The following SEZ6L variants were observed in gnomAD, a reference collection of about 807,000 sequenced individuals.
The protein encoded by SEZ6L is seizure 6-like protein.
SEZ6L carries 37 observed loss-of-function variants against 106.2 expected under a neutral mutation model. The ratio of observed to expected loss-of-function variants is 0.35; its 90% CI spans 0.27 to 0.46. The LOEUF is 0.46. SEZ6L is among the 20% of genes least tolerant of loss of function. The pLI is 1.00. For missense variants in SEZ6L, 1,172 were observed against 1,332.8 expected, an observed-to-expected ratio of 0.88 and a Z score of 1.88; for synonymous variants, 541 against 570.4, an observed-to-expected ratio of 0.95 and a Z score of 0.73.
chr22:26,297,630 G>A (rs1030290302), intron 4 of SEZ6L, among the ~76,000 whole-genome samples: 3 of 151,828 alleles, frequency 2.0e-5, no homozygotes, highest in African/African-American at 7.3e-5. Flanking sequence ...GCCTTAACAG[G>A]GTACTTCTCT....
In SEZ6L at chr22:26,373,576, TA is replaced by T. The variant is rs145221453; in HGVS notation, c.2827+99del. The T allele has an allele frequency of 9.0e-5, 85 of 941,984 alleles. 1 individual carries two copies. The highest frequency in any genetic ancestry group is 8.1e-4 in the African/African-American group (48 of 59,562). 58.4% of individuals were successfully genotyped at this position (941,984 alleles called of 1,614,324 possible). A position where few individuals can be genotyped will look rare whatever the true frequency, so the allele number is the denominator to read the frequency against. Reference sequence around the variant, plus strand: ...CTTTGAATATCTTTATTTAGACACTTAAAAAATAAATAAATTCTACCTTCAG... The same window carrying T: ...CTTTGAATATCTTTATTTAGACACTTAAAAATAAATAAATTCTACCTTCAG... On this transcript the variant is annotated intron_variant, in intron 14 of 16. Coordinates refer to ENST00000248933, the MANE Select transcript of SEZ6L (RefSeq NM_021115.5).
At chr22:26,284,972 C>T (rs1346316855) in intron 1 of SEZ6L, among the ~76,000 whole-genome samples, 2 of 151,744 alleles carry the variant, frequency 1.3e-5, no homozygotes, top group Non-Finnish European at 2.9e-5. Context: ...GTTTGGAGAT[C>T]GGAATGAGAT....
At chr22:26,245,115 G>T (rs5752291) in intron 1 of SEZ6L, among the ~76,000 whole-genome samples, 7 of 152,024 alleles carry the variant, frequency 4.6e-5, no homozygotes, top group South Asian at 4.2e-4. Context: ...CTGGTTTCCC[G>T]TGCCCCTTTG....
intron 12 of SEZ6L, among the ~76,000 whole-genome samples, chr22:26,354,566 A>G (rs2083379342): frequency 6.6e-6 from 1 of 152,184 alleles, no homozygotes; most frequent in African/African-American, 2.4e-5. Context: ...AGTGACTGCA[A>G]GAGCGATCAG....
intron 1 of SEZ6L, among the ~76,000 whole-genome samples, chr22:26,274,864 A>G (rs781697421): frequency 5.9e-5 from 9 of 152,360 alleles, no homozygotes; most frequent in Middle Eastern, 6.8e-3. Flanking sequence ...GGGGTTGGTC[A>G]CACAGGCATG....
intron 10 of SEZ6L, among the ~76,000 whole-genome samples, chr22:26,344,333 A>G (rs1448830698): frequency 2.0e-5 from 3 of 152,200 alleles, no homozygotes; most frequent in Non-Finnish European, 4.4e-5. Context: ...AAGGCATGGG[A>G]TGGAAGGGAA....
chr22:26,363,191 A>G (rs1477933580), intron 12 of SEZ6L, among the ~76,000 whole-genome samples: 5 of 152,232 alleles, frequency 3.3e-5, no homozygotes, highest in African/African-American at 1.2e-4. Flanking sequence ...AATCTAAATT[A>G]TTATTTGAAA....
chr22:26,186,769 A>C (rs1939809719), intron 1 of SEZ6L, among the ~76,000 whole-genome samples: 1 of 152,170 alleles, frequency 6.6e-6, no homozygotes, highest in Non-Finnish European at 1.5e-5. Flanking sequence ...CAGGAGCCTG[A>C]TTAAAGTTTG....
At chr22:26,195,109 C>G (rs1310343553) in intron 1 of SEZ6L, among the ~76,000 whole-genome samples, 1 of 152,194 alleles carries the variant, frequency 6.6e-6, no homozygotes, top group Non-Finnish European at 1.5e-5. Flanking sequence ...TTTGTCTGCT[C>G]TGCTCTGGTT....
At chr22:26,237,338 G>A (rs2078985038) in intron 1 of SEZ6L, among the ~76,000 whole-genome samples, 1 of 152,178 alleles carries the variant, frequency 6.6e-6, no homozygotes, top group Non-Finnish European at 1.5e-5. Flanking sequence ...CCTATTCTCA[G>A]GTTCTGGTGC....
chr22:26,328,618 C>T (rs2082391255), intron 9 of SEZ6L, among the ~76,000 whole-genome samples: 2 of 152,134 alleles, frequency 1.3e-5, no homozygotes, highest in Non-Finnish European at 2.9e-5. Flanking sequence ...GAGCCTCGCC[C>T]ACTGCCTTCG....
chr22:26,380,386 C>A lies in SEZ6L; in HGVS notation c.*91C>A. ...AGACCATGTGGCACTTGATTGAAAC[C>A]CCAGAATGTCGACTGTCTTTTGTTT... On this transcript the variant is annotated 3_prime_UTR_variant, in exon 17 of 17. Transcript: ENST00000248933. 2.0e-6 allele frequency: 2 copies of A among 981,828 alleles called. No individual in the cohort carries two copies. Among genetic ancestry groups the A allele is most frequent in the Non-Finnish European group, 3.2e-6 (2 of 616,432 alleles). 60.8% of individuals were successfully genotyped at this position (981,828 alleles called of 1,614,324 possible). A position where few individuals can be genotyped will look rare whatever the true frequency, so the allele number is the denominator to read the frequency against.
chr22:26,233,082 T>C (rs1408263470), intron 1 of SEZ6L, among the ~76,000 whole-genome samples: 1 of 152,266 alleles, frequency 6.6e-6, no homozygotes. Context: ...CCGAAGACCA[T>C]TTTTGTTCAG....
At chr22:26,379,562 C>T (rs1298205625) in intron 16 of SEZ6L, among the ~76,000 whole-genome samples, 2 of 152,222 alleles carry the variant, frequency 1.3e-5, no homozygotes, top group Non-Finnish European at 2.9e-5. Context: ...AGGGCTGAGC[C>T]TTCTTCTATC....
intron 1 of SEZ6L, among the ~76,000 whole-genome samples, chr22:26,289,600 C>T (rs2081044343): frequency 6.6e-6 from 1 of 152,232 alleles, no homozygotes; most frequent in African/African-American, 2.4e-5. Context: ...ACGCTGCTCC[C>T]AGATACCCAT....
chr22:26,317,928 C>T (rs746800792), intron 9 of SEZ6L, among the ~76,000 whole-genome samples: 1 of 151,958 alleles, frequency 6.6e-6, no homozygotes, highest in Non-Finnish European at 1.5e-5. Flanking sequence ...AGTTGCAAAT[C>T]CAAAATCATG....
At chr22:26,236,366 T>C (rs2078958904) in intron 1 of SEZ6L, among the ~76,000 whole-genome samples, 1 of 152,176 alleles carries the variant, frequency 6.6e-6, no homozygotes, top group Non-Finnish European at 1.5e-5. Context: ...CTGAATGATG[T>C]ATGACTCTCA....
intron 1 of SEZ6L, among the ~76,000 whole-genome samples, chr22:26,278,850 A>G (rs912557664): frequency 8.3e-5 from 12 of 144,192 alleles, no homozygotes; most frequent in Non-Finnish European, 1.1e-4. Context: ...AAGGAAAGAA[A>G]GAAGAAAAGA....
At chr22:26,191,415 A>G (rs1477062818) in intron 1 of SEZ6L, among the ~76,000 whole-genome samples, 2 of 152,212 alleles carry the variant, frequency 1.3e-5, no homozygotes, top group Non-Finnish European at 2.9e-5. Flanking sequence ...ATAAAAAGGA[A>G]TGCAATCATG....
Sources: gnomAD v4.1 joint callset for allele counts (sites outside exome capture counted in the v4.1 genomes callset) on GRCh38, gnomAD v4.1.1 for gene constraint, MANE v1.5 for transcripts, NCBI Gene and HGNC (gene_info 2026-07-23, HGNC 2026-07-21) for gene names.